RFX3: variants seen among roughly 807,000 people sequenced by gnomAD.
The protein encoded by RFX3 is transcription factor RFX3.
RFX3 carries 14 observed loss-of-function variants against 98.6 expected under a neutral mutation model. The observed-to-expected ratio is 0.14, with a 90% CI of 0.09 to 0.22. The LOEUF is 0.22. RFX3 is among the 10% of genes least tolerant of loss of function. The pLI is 1.00. For synonymous variants in RFX3, 383 were observed against 328.4 expected, an observed-to-expected ratio of 1.17 and a Z score of -1.80; for missense variants, 639 against 926.9, an observed-to-expected ratio of 0.69 and a Z score of 4.03.
intron 8 of RFX3, among the ~76,000 whole-genome samples, chr9:3,277,016 C>T (rs987787846): frequency 2.6e-5 from 4 of 152,018 alleles, no homozygotes; most frequent in South Asian, 4.1e-4. Flanking sequence ...TTCTTTTTGG[C>T]ACTTGAAGTT....
chr9:3,237,401 CAT>C (rs1343668844), intron 15 of RFX3, among the ~76,000 whole-genome samples: 1 of 152,134 alleles, frequency 6.6e-6, no homozygotes, highest in Non-Finnish European at 1.5e-5. Flanking sequence ...TCAATGCCTT[CAT>C]ATGTCTTTTT....
intron 4 of RFX3, among the ~76,000 whole-genome samples, chr9:3,306,239 G>T (rs1563896663): frequency 6.6e-6 from 1 of 151,940 alleles, no homozygotes; most frequent in Non-Finnish European, 1.5e-5. Context: ...CCTCAACAAA[G>T]ATATTATATC....
chr9:3,515,004 T>C (rs1270013515), intron 1 of RFX3, among the ~76,000 whole-genome samples: 1 of 152,246 alleles, frequency 6.6e-6, no homozygotes, highest in Non-Finnish European at 1.5e-5. Flanking sequence ...TATAATCAGA[T>C]GCCAATCAGC....
chr9:3,414,934 A>T (rs1157692770), intron 1 of RFX3, among the ~76,000 whole-genome samples: 1 of 136,974 alleles, frequency 7.3e-6, no homozygotes, highest in African/African-American at 2.6e-5. Context: ...ATATGTGTGT[A>T]TATATATACA....
chr9:3,283,448 C>G (rs1826173420), intron 7 of RFX3, among the ~76,000 whole-genome samples: 1 of 146,396 alleles, frequency 6.8e-6, no homozygotes, highest in Admixed American at 6.6e-5. Flanking sequence ...AAGTCATACA[C>G]TCTGCAGAAG....
In RFX3 at chr9:3,248,170, C is replaced by T. The variant is rs181777549; in HGVS notation, c.1830G>A (p.Arg610=). 6.2e-7 allele frequency: 1 copy of T among 1,609,752 alleles called. No homozygotes were observed. Among genetic ancestry groups the T allele is most frequent in the African/African-American group, 1.3e-5 (1 of 74,878 alleles). ...KWSFYSSMVI[R]DLTLRSAASF... The stretch of plus-strand genomic sequence containing the variant: ...TAGCAGCACTGCGTAAGGTTAAGTC[C>T]CGAATAACCATTGAGCTGTTCCAAG... The change falls in exon 15 of 17, where the codon CGG becomes CGA. Residue 610 remains arginine, a synonymous_variant. Transcript: ENST00000617270.
intron 9 of RFX3, among the ~76,000 whole-genome samples, chr9:3,272,814 A>T (rs1824678268): frequency 6.6e-6 from 1 of 152,230 alleles, no homozygotes; most frequent in South Asian, 2.1e-4. Context: ...CTTGCTCCTT[A>T]CATAACAAAC....
rs529183384 is a variant in RFX3, at chr9:3,367,289, A to T, written c.118-20525T>A. On this transcript the variant is annotated intron_variant, in intron 2 of 16. Coordinates refer to ENST00000617270, the MANE Select transcript of RFX3 (RefSeq NM_001282116.2). ...GGAGGGGCTACAAGAGAAGTCAAGCAGGCAGCCTCTAGGAGTGGGGAACAG... is the reference window on the plus strand; with the variant it reads ...GGAGGGGCTACAAGAGAAGTCAAGCTGGCAGCCTCTAGGAGTGGGGAACAG... 2.0e-5 allele frequency among the ~76,000 whole-genome samples: 3 copies of T among 152,264 alleles called. No homozygotes were observed. The South Asian group carries it at 6.2e-4, about 32-fold the overall frequency.
chr9:3,391,224 T>C (rs1304479676), intron 2 of RFX3, among the ~76,000 whole-genome samples: 2 of 152,048 alleles, frequency 1.3e-5, no homozygotes, highest in African/African-American at 2.4e-5. Flanking sequence ...GTCAGAGGAA[T>C]AGGAATTATA....
At chr9:3,410,979 CA>C (rs1454942479) in intron 1 of RFX3, among the ~76,000 whole-genome samples, 4 of 152,180 alleles carry the variant, frequency 2.6e-5, no homozygotes, top group Admixed American at 2.6e-4. Flanking sequence ...ATAACTGACT[CA>C]AAAATGGTAT....
At chr9:3,369,083 A>C (rs774594465) in intron 2 of RFX3, among the ~76,000 whole-genome samples, 1 of 152,236 alleles carries the variant, frequency 6.6e-6, no homozygotes, top group Non-Finnish European at 1.5e-5. Flanking sequence ...AAAAATCACA[A>C]AGGCAAATAG....
chr9:3,486,931 T>C (rs1374374823), intron 1 of RFX3, among the ~76,000 whole-genome samples: 1 of 152,228 alleles, frequency 6.6e-6, no homozygotes, highest in African/African-American at 2.4e-5. Flanking sequence ...AACTCATTAT[T>C]ATCAAAGACT....
intron 4 of RFX3, among the ~76,000 whole-genome samples, chr9:3,320,761 T>C (rs1831184416): frequency 8.1e-6 from 1 of 123,782 alleles, no homozygotes; most frequent in African/African-American, 3.3e-5. Context: ...TAATGCATGC[T>C]ACATAGCATA....
intron 1 of RFX3, among the ~76,000 whole-genome samples, chr9:3,520,523 C>G (rs1818603095): frequency 6.6e-6 from 1 of 151,988 alleles, no homozygotes; most frequent in Admixed American, 6.6e-5. Context: ...TCTCACTGAA[C>G]AAATAAAATA....
intron 2 of RFX3, chr9:3,394,829 T>A: frequency 2.0e-6 from 2 of 985,290 alleles, no homozygotes; most frequent in Non-Finnish European, 2.4e-6. Context: ...ACAATCCACA[T>A]ACATGAACAG....
chr9:3,426,502 CAGCAGGAGGTG>C (rs1316303946), intron 1 of RFX3, among the ~76,000 whole-genome samples: 1 of 152,114 alleles, frequency 6.6e-6, no homozygotes, highest in Non-Finnish European at 1.5e-5. Context: ...ACAGACCACA[CAGCAGGAGGTG>C]AGCAAGAGGT....
intron 2 of RFX3, among the ~76,000 whole-genome samples, chr9:3,359,470 C>T (rs1212808333): frequency 1.3e-5 from 2 of 151,948 alleles, no homozygotes; most frequent in African/African-American, 2.4e-5. Flanking sequence ...CAGTCAGGTC[C>T]AGGAAGAGAA....
chr9:3,407,095 G>C (rs1842038286), intron 1 of RFX3, among the ~76,000 whole-genome samples: 1 of 152,156 alleles, frequency 6.6e-6, no homozygotes, highest in Non-Finnish European at 1.5e-5. Flanking sequence ...GAAGCACTCA[G>C]ATATCGTTAA....
At chr9:3,418,029 T>C (rs541352261) in intron 1 of RFX3, among the ~76,000 whole-genome samples, 2 of 152,336 alleles carry the variant, frequency 1.3e-5, no homozygotes, top group South Asian at 4.1e-4. Flanking sequence ...ATCTGATTAA[T>C]GTGAGCATTC....
Sources: allele counts gnomAD v4.1 joint callset (sites outside exome capture counted in the v4.1 genomes callset), GRCh38; gene constraint gnomAD v4.1.1; transcripts MANE v1.5; gene names NCBI Gene and HGNC (gene_info 2026-07-23, HGNC 2026-07-21).